The following FHIT variants were observed in gnomAD, a reference collection of about 807,000 sequenced individuals.
The protein encoded by FHIT is bis(5'-adenosyl)-triphosphatase.
In FHIT, 19 loss-of-function variants were observed where a neutral mutation model predicts 17.9. The observed-to-expected ratio is 1.06, with a 90% CI of 0.74 to 1.56. The LOEUF is 1.56. Ranked by LOEUF, FHIT falls within the 40% of genes most tolerant of loss-of-function variation. FHIT has a pLI of 0.00. For synonymous variants in FHIT, 81 were observed against 69.7 expected (o/e 1.16, Z -0.81); for missense variants, 248 against 189.2 (o/e 1.31, Z -1.82).
intron 2 of FHIT, among the ~76,000 whole-genome samples, chr3:61,137,262 C>CTTTT (rs67142172): frequency 1.6e-4 from 17 of 105,496 alleles, no homozygotes; most frequent in Non-Finnish European, 2.4e-4. Context: ...AGGTTTCACT[C>CTTTT]TTTTTTTTTT....
chr3:59,753,728 A>AACTC, intron 8 of FHIT, among the ~76,000 whole-genome samples: 1 of 152,300 alleles, frequency 6.6e-6, no homozygotes, highest in Non-Finnish European at 1.5e-5. Context: ...TCCTTACAAT[A>AACTC]ACTCATAAAA....
intron 5 of FHIT, among the ~76,000 whole-genome samples, chr3:60,320,682 C>T (rs984384878): frequency 1.3e-5 from 2 of 152,096 alleles, no homozygotes; most frequent in Non-Finnish European, 2.9e-5. Flanking sequence ...TACCCAAAAA[C>T]ATCCAATCAA....
At chr3:60,422,476 A>C (rs1363207061) in intron 5 of FHIT, among the ~76,000 whole-genome samples, 1 of 152,126 alleles carries the variant, frequency 6.6e-6, no homozygotes, top group Non-Finnish European at 1.5e-5. Context: ...CACATTTTAC[A>C]TACCTAAAAA....
chr3:61,232,854 T>C (rs2040139798), intron 1 of FHIT, among the ~76,000 whole-genome samples: 1 of 152,308 alleles, frequency 6.6e-6, no homozygotes, highest in East Asian at 1.9e-4. Context: ...AATATTCACA[T>C]AATGGAACAT....
chr3:59,764,593 G>C (rs1315373888), intron 8 of FHIT, among the ~76,000 whole-genome samples: 1 of 151,982 alleles, frequency 6.6e-6, no homozygotes, highest in African/African-American at 2.4e-5. Flanking sequence ...AAACAAATTG[G>C]AGCCAACCTT....
chr3:60,228,695 G>A (rs1279459481), intron 5 of FHIT, among the ~76,000 whole-genome samples: 2 of 152,088 alleles, frequency 1.3e-5, no homozygotes, highest in Non-Finnish European at 1.5e-5. Context: ...CCAATTTATA[G>A]CGTGTTTTAA....
At chr3:61,004,711 C>A (rs1243025649) in intron 3 of FHIT, among the ~76,000 whole-genome samples, 1 of 151,964 alleles carries the variant, frequency 6.6e-6, no homozygotes, top group Admixed American at 6.6e-5. Flanking sequence ...CTGCTTGGGT[C>A]CCCCCATTGG....
intron 2 of FHIT, among the ~76,000 whole-genome samples, chr3:61,108,866 T>A (rs1162380855): frequency 6.6e-6 from 1 of 152,210 alleles, no homozygotes; most frequent in Admixed American, 6.5e-5. Context: ...TGATTAAGGT[T>A]TCCTCTTTCC....
chr3:60,462,670 T>C (rs936198675), intron 5 of FHIT, among the ~76,000 whole-genome samples: 1 of 151,988 alleles, frequency 6.6e-6, no homozygotes, highest in African/African-American at 2.4e-5. Flanking sequence ...ATTCAGCCCA[T>C]CAGGACAGAG....
chr3:59,908,714 G>A (rs1704700945), intron 8 of FHIT, among the ~76,000 whole-genome samples: 1 of 152,004 alleles, frequency 6.6e-6, no homozygotes, highest in African/African-American at 2.4e-5. Flanking sequence ...GAATATGACT[G>A]AATGAATTAC....
intron 4 of FHIT, among the ~76,000 whole-genome samples, chr3:60,550,645 A>G (rs746085247): frequency 6.7e-6 from 1 of 149,658 alleles, no homozygotes; most frequent in Non-Finnish European, 1.5e-5. Flanking sequence ...CTTGTTTTAC[A>G]TATTTAACCT....
chr3:60,841,277 T>C (rs1702717046), intron 3 of FHIT, among the ~76,000 whole-genome samples: 1 of 152,240 alleles, frequency 6.6e-6, no homozygotes, highest in Non-Finnish European at 1.5e-5. Flanking sequence ...AGTAACGGCA[T>C]GCACTGTGTG....
intron 4 of FHIT, among the ~76,000 whole-genome samples, chr3:60,801,219 G>A (rs1481492288): frequency 6.6e-6 from 1 of 152,078 alleles, no homozygotes; most frequent in Non-Finnish European, 1.5e-5. Context: ...ACCAGTCAGG[G>A]GTTATTCCGT....
intron 4 of FHIT, among the ~76,000 whole-genome samples, chr3:60,719,324 T>C (rs369202769): frequency 1.2e-4 from 19 of 152,214 alleles, no homozygotes; most frequent in African/African-American, 4.1e-4. Context: ...AAATAACTTA[T>C]AGGAAATATC....
At chr3:61,185,083 G>A (rs891638212) in intron 2 of FHIT, among the ~76,000 whole-genome samples, 7 of 152,130 alleles carry the variant, frequency 4.6e-5, no homozygotes, top group Non-Finnish European at 1.0e-4. Context: ...TCCCCCCCAC[G>A]AAGTAGGAAA....
intron 3 of FHIT, among the ~76,000 whole-genome samples, chr3:60,836,031 G>A (rs1006894962): frequency 6.6e-6 from 1 of 152,134 alleles, no homozygotes; most frequent in South Asian, 2.1e-4. Flanking sequence ...CTTTCCATCT[G>A]TATGCCTTTC....
intron 4 of FHIT, among the ~76,000 whole-genome samples, chr3:60,678,514 C>A (rs1301145811): frequency 6.6e-6 from 1 of 152,016 alleles, no homozygotes; most frequent in Non-Finnish European, 1.5e-5. Context: ...AAATATCACC[C>A]CTACAATTGG....
intron 8 of FHIT, among the ~76,000 whole-genome samples, chr3:59,894,038 A>G (rs1043662952): frequency 1.1e-4 from 16 of 152,210 alleles, no homozygotes; most frequent in African/African-American, 3.9e-4. Flanking sequence ...CGGCCAAGGC[A>G]GGCAGATCAC....
chr3:60,300,560 C>G (rs1297921066), intron 5 of FHIT, among the ~76,000 whole-genome samples: 1 of 152,094 alleles, frequency 6.6e-6, no homozygotes, highest in Non-Finnish European at 1.5e-5. Flanking sequence ...CCGAGGTGCC[C>G]TTCCACAGTT....
Sources: allele counts gnomAD v4.1 joint callset (sites outside exome capture counted in the v4.1 genomes callset), GRCh38; gene constraint gnomAD v4.1.1; transcripts MANE v1.5; gene names NCBI Gene and HGNC (gene_info 2026-07-23, HGNC 2026-07-21).